Variants in NEFH observed in about 807,000 individuals in gnomAD.
NEFH encodes the protein neurofilament heavy chain.
Under a neutral mutation model 56.6 loss-of-function variants are expected in NEFH, and 58 were observed. That is an observed-to-expected ratio of 1.03 (90% CI 0.83 to 1.28). The LOEUF (loss-of-function observed/expected upper bound fraction) is 1.28. Ranked by LOEUF, NEFH falls within the 50% of genes most tolerant of loss-of-function variation. NEFH has a pLI of 0.00. For missense variants in NEFH, 1,221 were observed against 1,307.6 expected, an observed-to-expected ratio of 0.93 and a Z score of 1.02; for synonymous variants, 542 against 545.8, an observed-to-expected ratio of 0.99 and a Z score of 0.10.
intron 3 of NEFH, among the ~76,000 whole-genome samples, chr22:29,487,342 G>A (rs1200678434): frequency 6.6e-6 from 1 of 152,054 alleles, no homozygotes; most frequent in South Asian, 2.1e-4. Context: ...CAGAAAGATA[G>A]TCTCTTGGTT....
At chr22:29,488,061 A>G (rs370157568) in intron 3 of NEFH, among the ~76,000 whole-genome samples, 2 of 152,084 alleles carry the variant, frequency 1.3e-5, no homozygotes, top group South Asian at 4.1e-4. Flanking sequence ...TTAAACCCAA[A>G]TTTATAAAAG....
In NEFH at chr22:29,489,323, G is replaced by C. The variant is rs145067799; in HGVS notation, c.1683G>C (p.Pro561=). The C allele has an allele frequency of 2.5e-6, 4 of 1,610,188 alleles. No individual in the cohort carries two copies. In the South Asian group the frequency reaches 3.3e-5, roughly 13 times the overall value. ...CAGCAAAGGAAGAGGCAAAGTCACC[G>C]CCTGAGGCCAAGTCCCCAGAGAAGG... ...KSPAKEEAKS[P]PEAKSPEKEE... Residue 561 remains proline, a synonymous_variant, in exon 4 of 4, where the codon CCG becomes CCC. Transcript: ENST00000310624.
At position 29,480,262 on chromosome 22, in the gene NEFH, C is replaced by T. The variant is rs1050010828; in HGVS notation, c.-1C>T. On this transcript the variant is annotated 5_prime_UTR_variant, in exon 1 of 4. Coordinates refer to ENST00000310624, the MANE Select transcript of NEFH (RefSeq NM_021076.4). Reference sequence around the variant, plus strand: ...CCCGGCCTCGCGCACCTGCTCAGGCCATGATGAGCTTCGGCGGCGCGGACG... The same window carrying T: ...CCCGGCCTCGCGCACCTGCTCAGGCTATGATGAGCTTCGGCGGCGCGGACG... The T allele has an allele frequency of 4.0e-6, 6 of 1,511,752 alleles. No individual in the cohort carries two copies. The highest frequency in any genetic ancestry group is 5.3e-6 in the Non-Finnish European group (6 of 1,139,046). The allele number at this position is 1,511,752 out of a possible 1,614,324, so 93.6% of individuals were successfully genotyped here.
At chr22:29,485,624 G>A in intron 2 of NEFH, 99 bp from the exon 3 acceptor site, 1 of 1,480,270 alleles carries the variant, frequency 6.8e-7, no homozygotes, top group Non-Finnish European at 9.2e-7. Context: ...AGCCTGGCTG[G>A]ATGGGCCTGC....
In NEFH at chr22:29,489,869, A is replaced by T. The variant is rs570663492; in HGVS notation, c.2229A>T (p.Glu743Asp). The T allele has an allele frequency of 6.3e-7, 1 of 1,577,774 alleles. No individual in the cohort carries two copies. Among genetic ancestry groups the T allele is most frequent in the Admixed American group, 1.7e-5 (1 of 57,450 alleles). The change falls in exon 4 of 4, where the codon GAA (glutamate) becomes GAT (aspartate). Residue 743 changes from glutamate to aspartate, a missense_variant. By Grantham distance (45) the Glu-to-Asp change is conservative (BLOSUM62 2). Coordinates refer to ENST00000310624, the MANE Select transcript of NEFH (RefSeq NM_021076.4). ...PEKAKSPVKE[E>D]AKSPEKAKSP... ...AGGCCAAGTCCCCAGTGAAGGAAGAAGCTAAGTCCCCAGAGAAGGCCAAGT... is the reference window on the plus strand; with the variant it reads ...AGGCCAAGTCCCCAGTGAAGGAAGATGCTAAGTCCCCAGAGAAGGCCAAGT...
chr22:29,484,977 G>A (rs897721625), intron 2 of NEFH, among the ~76,000 whole-genome samples: 1 of 152,102 alleles, frequency 6.6e-6, no homozygotes, highest in Non-Finnish European at 1.5e-5. Flanking sequence ...TGGGACTATA[G>A]GTGCACATCA....
chr22:29,490,362 A>G lies in NEFH; in HGVS notation c.2722A>G (p.Lys908Glu), dbSNP rs769578960. The change falls in exon 4 of 4, where the codon AAG becomes GAG. Residue 908 changes from lysine to glutamate, a missense_variant. Physicochemically the swap from Lys to Glu is moderately conservative, Grantham distance 56. Transcript: ENST00000310624. Reference sequence around the variant, plus strand: ...TAAGAAAAAAGTCCCCACCCCAGAGAAGGAGGCTCCTGCCAAGGTGGAGGT... The same window carrying G: ...TAAGAAAAAAGTCCCCACCCCAGAGGAGGAGGCTCCTGCCAAGGTGGAGGT... ...EDKKKVPTPE[K>E]EAPAKVEVKE... 6.2e-7 allele frequency: 1 copy of G among 1,613,538 alleles called. No homozygotes were observed. The highest frequency in any genetic ancestry group is 1.3e-5 in the African/African-American group (1 of 75,016).
chr22:29,481,167 G>T (rs1370366506), intron 1 of NEFH, 22 bp downstream of exon 1: 1 of 1,522,476 alleles, frequency 6.6e-7, no homozygotes, highest in South Asian at 1.2e-5. Flanking sequence ...CGCGGGTGGG[G>T]GGAGGGGCGC....
Position 29,490,471 on chromosome 22 carries a change from C to A in NEFH, c.2831C>A (p.Pro944Gln). The A allele has an allele frequency of 6.3e-7, 1 of 1,591,264 alleles. No homozygotes were observed. The highest frequency in any genetic ancestry group is 8.5e-7 in the Non-Finnish European group (1 of 1,173,990). Residue 944 changes from proline (P) to glutamine (Q), a missense_variant, in exon 4 of 4, where the codon CCA becomes CAA. Transcript: ENST00000310624. ...DDAKAKEPSK[P>Q]AEKKEAAPEK... ...GCCAAGGCCAAGGAACCCAGCAAACCAGCAGAGAAGAAGGAGGCAGCACCG... is the reference window on the plus strand; with the variant it reads ...GCCAAGGCCAAGGAACCCAGCAAACAAGCAGAGAAGAAGGAGGCAGCACCG...
At chr22:29,486,583 C>G (rs2063046127) in intron 3 of NEFH, among the ~76,000 whole-genome samples, 1 of 142,534 alleles carries the variant, frequency 7.0e-6, no homozygotes, top group Admixed American at 7.3e-5. Context: ...AGTGCAGCAG[C>G]ATTATCTCGG....
chr22:29,490,214 C>T lies in NEFH; in HGVS notation c.2574C>T (p.Asp858=), dbSNP rs1368656351. Residue 858 remains aspartate, a synonymous_variant, in exon 4 of 4, where the codon GAC becomes GAT. Coordinates refer to ENST00000310624, the MANE Select transcript of NEFH (RefSeq NM_021076.4). ...PATPKTEEKK[D]SKKEEAPKKE... Reference sequence around the variant, plus strand: ...CACCAAAAACAGAGGAGAAGAAGGACAGCAAGAAAGAGGAGGCACCCAAGA... The same window carrying T: ...CACCAAAAACAGAGGAGAAGAAGGATAGCAAGAAAGAGGAGGCACCCAAGA... 1 of 1,610,562 alleles carries T rather than the reference C, an allele frequency of 6.2e-7. No homozygotes were observed. Among genetic ancestry groups the T allele is most frequent in the Non-Finnish European group, 8.5e-7 (1 of 1,178,350 alleles).
At chr22:29,487,395 C>A (rs181532533) in intron 3 of NEFH, among the ~76,000 whole-genome samples, 2 of 151,726 alleles carry the variant, frequency 1.3e-5, no homozygotes, top group African/African-American at 4.8e-5. Context: ...CTTTGGGAGA[C>A]CAAGGCAGAC....
chr22:29,485,901 C>A, intron 3 of NEFH, 54 bp downstream of exon 3: 1 of 1,607,902 alleles, frequency 6.2e-7, no homozygotes, highest in Non-Finnish European at 8.5e-7. Context: ...TCCTGCGAGA[C>A]GCTAAGCCTT....
chr22:29,490,600 G>T lies in NEFH; in HGVS notation c.2960G>T (p.Ser987Ile). ...EDDKTLSKEP[S>I]KPKAEKAEKS... ...GACAAGACCCTCTCAAAAGAGCCTAGCAAGCCTAAGGCAGAAAAGGCTGAA... is the reference window on the plus strand; with the variant it reads ...GACAAGACCCTCTCAAAAGAGCCTATCAAGCCTAAGGCAGAAAAGGCTGAA... The change falls in exon 4 of 4, where the codon AGC becomes ATC. Residue 987 changes from serine (S) to isoleucine (I), a missense_variant. Coordinates refer to ENST00000310624, the MANE Select transcript of NEFH (RefSeq NM_021076.4). 11 of 1,614,080 alleles carry T rather than the reference G, an allele frequency of 6.8e-6. No individual in the cohort carries two copies. The highest frequency in any genetic ancestry group is 9.3e-6 in the Non-Finnish European group (11 of 1,180,012).
chr22:29,483,546 G>A lies in NEFH; in HGVS notation c.1055G>A (p.Arg352His), dbSNP rs750088241. 3.9e-5 allele frequency: 63 copies of A among 1,613,692 alleles called. No individual in the cohort carries two copies. Among genetic ancestry groups the A allele is most frequent in the Middle Eastern group, 3.3e-4 (2 of 6,082 alleles). The stretch of plus-strand genomic sequence containing the variant: ...AGGCAGCGCTCTGAGCTGGAGGACC[G>A]TCATCAGGCCGACATTGCCTCCTAC... ...LERQRSELED[R>H]HQADIASYQE... The change falls in exon 2 of 4, where the codon CGT (arginine) becomes CAT (histidine). Residue 352 changes from arginine (R) to histidine (H), a missense_variant. This residue lies in a region of NEFH where 640 missense variants were observed against 555.5 expected (regional missense o/e 1.15). Transcript: ENST00000310624.
At chr22:29,485,580 T>C (rs971828217) in intron 2 of NEFH, 143 bp from the exon 3 acceptor site, 1 of 971,482 alleles carries the variant, frequency 1.0e-6, no homozygotes, top group African/African-American at 1.6e-5. Context: ...ATGAGGACCC[T>C]ACAGCTCTGG....
At position 29,489,644 on chromosome 22, in the gene NEFH, C is replaced by A. The variant is rs749252038; in HGVS notation, c.2004C>A (p.Ser668=). 5 of 1,609,462 alleles carry A rather than the reference C, an allele frequency of 3.1e-6. No homozygotes were observed. Among genetic ancestry groups the A allele is most frequent in the Non-Finnish European group, 4.2e-6 (5 of 1,178,296 alleles). Residue 668 remains serine, a synonymous_variant, in exon 4 of 4, where the codon TCC becomes TCA. Transcript: ENST00000310624. ...CCAAGTCCCCTGAGAAGGCCAAGTC[C>A]CCAGTGAAGGCAGAAGCAAAGTCCC... ...EEAKSPEKAK[S]PVKAEAKSPE...
intron 3 of NEFH, among the ~76,000 whole-genome samples, chr22:29,487,647 C>A (rs1164703398): frequency 2.0e-5 from 3 of 152,076 alleles, no homozygotes; most frequent in South Asian, 2.1e-4. Context: ...ATAACAACAA[C>A]ACAACAACAA....
At chr22:29,487,318 A>G (rs1194254252) in intron 3 of NEFH, among the ~76,000 whole-genome samples, 1 of 152,176 alleles carries the variant, frequency 6.6e-6, no homozygotes, top group African/African-American at 2.4e-5. Context: ...AATTGGCATC[A>G]TTCAAGAGCT....
Sources: gnomAD v4.1 joint callset for allele counts (sites outside exome capture counted in the v4.1 genomes callset) on GRCh38, gnomAD v4.1.1 for gene constraint, gnomAD v4.1.1 regional missense constraint, MANE v1.5 for transcripts, NCBI Gene and HGNC (gene_info 2026-07-23, HGNC 2026-07-21) for gene names.